Variants in HBS1L observed in about 807,000 individuals in gnomAD.
HBS1L encodes HBS1 like translational GTPase.
A neutral mutation model predicts 88.9 loss-of-function variants in HBS1L; 55 were observed. That is an observed-to-expected ratio of 0.62 (90% CI 0.50 to 0.77). The LOEUF is 0.77. Ranked by LOEUF, HBS1L falls within the 30% of genes least tolerant of loss-of-function variation. HBS1L has a pLI of 0.00. For synonymous variants in HBS1L, 267 were observed against 288.5 expected, an observed-to-expected ratio of 0.93 and a Z score of 0.76; for missense variants, 741 against 829.3, an observed-to-expected ratio of 0.89 and a Z score of 1.31.
intron 4 of HBS1L, among the ~76,000 whole-genome samples, chr6:135,018,707 G>A (rs373374669): frequency 1.3e-5 from 2 of 151,656 alleles, no homozygotes; most frequent in East Asian, 3.8e-4. Context: ...ACTAGAAATA[G>A]GACAGCCTAC....
In HBS1L at chr6:134,972,280, G is replaced by C. The variant is rs538344161; in HGVS notation, c.1798-2942C>G. On this transcript the variant is annotated intron_variant, in intron 15 of 17. Coordinates refer to ENST00000367837, the MANE Select transcript of HBS1L (RefSeq NM_006620.4). ...TTTTCCTTAATTTTCTAGATAACCT[G>C]TATTTTTAAAATGTTAACAAATACA... is the stretch of plus-strand genomic sequence containing the variant. Among the ~76,000 whole-genome samples the C allele has an allele frequency of 2.0e-5, 3 of 152,204 alleles. No homozygotes were observed. In the South Asian group the frequency reaches 6.2e-4, roughly 32 times the overall value.
At chr6:134,997,249 C>G in intron 6 of HBS1L, 148 bp downstream of exon 6, 1 of 887,712 alleles carries the variant, frequency 1.1e-6, no homozygotes, top group South Asian at 1.7e-5. Flanking sequence ...TATCTCTCCC[C>G]ACATGACTAG....
At chr6:134,979,300 G>GA (rs1385758669) in intron 13 of HBS1L, 32 bp from the exon 14 acceptor site, 1 of 1,468,588 alleles carries the variant, frequency 6.8e-7, no homozygotes, top group South Asian at 1.1e-5. Flanking sequence ...AGCATACAGT[G>GA]AAACACCTCG....
chr6:134,983,996 G>C (rs1310254919), intron 12 of HBS1L, among the ~76,000 whole-genome samples: 1 of 152,138 alleles, frequency 6.6e-6, no homozygotes, highest in African/African-American at 2.4e-5. Flanking sequence ...AGAATTGAAA[G>C]TGTATATTGA....
chr6:134,997,642 T>C lies in HBS1L; in HGVS notation c.554A>G (p.Glu185Gly), dbSNP rs143955783. 1 of 1,613,970 alleles carries C rather than the reference T, an allele frequency of 6.2e-7. No individual in the cohort carries two copies. The highest frequency in any genetic ancestry group is 8.5e-7 in the Non-Finnish European group (1 of 1,179,878). The change falls in exon 6 of 18, where the codon GAA becomes GGA. Residue 185 changes from glutamate (E) to glycine (G), a missense_variant. Transcript: ENST00000367837. ...AGGTGTGTGGAAACTATGACCATTT[T>C]CTTCAGAAGATACTCTACAGAAGGC... ...GFEVPGVSSE[E>G]NGHSFHTPQK...
At chr6:135,036,717 G>A (rs1025481512) in intron 4 of HBS1L, 26 of 1,551,092 alleles carry the variant, frequency 1.7e-5, no homozygotes, top group Non-Finnish European at 2.3e-5. Flanking sequence ...AGAGGTCAAG[G>A]GTGCGTCGCT....
At chr6:134,974,711 TC>T (rs1017241108) in intron 15 of HBS1L, among the ~76,000 whole-genome samples, 8 of 148,014 alleles carry the variant, frequency 5.4e-5, no homozygotes, top group Admixed American at 1.3e-4. Flanking sequence ...AAATCCAGGA[TC>T]CCTTAATGAT....
At chr6:135,006,559 AG>A (rs1030384749) in intron 4 of HBS1L, among the ~76,000 whole-genome samples, 3 of 152,118 alleles carry the variant, frequency 2.0e-5, no homozygotes, top group Non-Finnish European at 4.4e-5. Context: ...ATAGAAATCA[AG>A]GGGGGGAAAT....
chr6:134,997,471 C>T lies in HBS1L; in HGVS notation c.725G>A (p.Arg242Lys). Residue 242 changes from arginine to lysine, a missense_variant, in exon 6 of 18, where the codon AGG becomes AAG. Physicochemically the swap from Arg to Lys is conservative, Grantham distance 26. Coordinates refer to ENST00000367837, the MANE Select transcript of HBS1L (RefSeq NM_006620.4). ...TTCCGCCTTCACATCTATTTGCTGC[C>T]TCAGCTTGCCAGACTTTTTCACCGG... ...PAPVKKSGKL[R>K]QQIDVKAELE... is the part of the protein sequence containing the mutation. 2 of 1,614,078 alleles carry T rather than the reference C, an allele frequency of 1.2e-6. No homozygotes were observed. The highest frequency in any genetic ancestry group is 1.7e-6 in the Non-Finnish European group (2 of 1,179,996).
At chr6:134,972,796 C>T (rs866300323) in intron 15 of HBS1L, among the ~76,000 whole-genome samples, 3 of 152,190 alleles carry the variant, frequency 2.0e-5, no homozygotes, top group Middle Eastern at 3.4e-3. Context: ...ATACAAATGG[C>T]CAATAAGCAC....
chr6:134,996,641 C>T, intron 7 of HBS1L, 136 bp downstream of exon 7: 1 of 574,918 alleles, frequency 1.7e-6, no homozygotes, highest in Non-Finnish European at 2.8e-6. Context: ...CAAAATAGTT[C>T]CCTGATATCT....
In HBS1L at chr6:134,965,193, T is replaced by C. The variant is rs1464696690; in HGVS notation, c.*86A>G. 3 of 1,072,650 alleles carry C rather than the reference T, an allele frequency of 2.8e-6. No individual in the cohort carries two copies. The highest frequency in any genetic ancestry group is 3.1e-5 in the African/African-American group (2 of 64,184). 66.4% of individuals were successfully genotyped at this position (1,072,650 alleles called of 1,614,324 possible). A position where few individuals can be genotyped will look rare whatever the true frequency, so the allele number is the denominator to read the frequency against. Reference sequence around the variant, plus strand: ...CATCTAAAAACATATCAATTGCACATTGTTCCTTTGACTTAATAACTGCAT... The same window carrying C: ...CATCTAAAAACATATCAATTGCACACTGTTCCTTTGACTTAATAACTGCAT... On this transcript the variant is annotated 3_prime_UTR_variant, in exon 18 of 18. Coordinates refer to ENST00000367837, the MANE Select transcript of HBS1L (RefSeq NM_006620.4).
At chr6:135,003,238 A>C (rs1015298141) in intron 4 of HBS1L, among the ~76,000 whole-genome samples, 19 of 152,208 alleles carry the variant, frequency 1.2e-4, no homozygotes, top group African/African-American at 4.1e-4. Flanking sequence ...GCAGATGGCT[A>C]AACTATTTTT....
chr6:135,051,517 T>A (rs1777082618), intron 1 of HBS1L, among the ~76,000 whole-genome samples: 2 of 152,316 alleles, frequency 1.3e-5, no homozygotes, highest in South Asian at 2.1e-4. Flanking sequence ...CCGAGGCCAT[T>A]TCTTTCTGCT....
In HBS1L at chr6:135,044,309, T is replaced by C. The variant is rs1214610248; in HGVS notation, c.110-2183A>G. ...GAGTGGTTTGTCCTGATCTTATTTT[T>C]TCCCATAAGTTGTTAATTTTAGTAT... is the stretch of plus-strand genomic sequence containing the variant. On this transcript the variant is annotated intron_variant, in intron 2 of 17. Transcript: ENST00000367837. Among the ~76,000 whole-genome samples the C allele has an allele frequency of 2.0e-5, 3 of 152,210 alleles. No individual in the cohort carries two copies. The East Asian group carries it at 5.8e-4, about 29-fold the overall frequency.
At position 135,054,641 on chromosome 6, in the gene HBS1L, C is replaced by A; in HGVS notation, c.43+8G>T. On this transcript the variant is annotated splice_region_variant and intron_variant, in intron 1 of 17. Transcript: ENST00000367837. ...AAAAGAACGTCCCGGCATGACCCTG[C>A]CACCTACCTTCATCGTAGTTATAGC... The A allele has an allele frequency of 6.2e-7, 1 of 1,614,210 alleles. No individual in the cohort carries two copies. Among genetic ancestry groups the A allele is most frequent in the Non-Finnish European group, 8.5e-7 (1 of 1,180,018 alleles).
At position 135,012,317 on chromosome 6, in the gene HBS1L, T is replaced by C. The variant is rs1412733885; in HGVS notation, c.431-9475A>G. On this transcript the variant is annotated intron_variant, in intron 4 of 17. Coordinates refer to ENST00000367837, the MANE Select transcript of HBS1L (RefSeq NM_006620.4). ...AATATAGCAATGGTCCTATATCATATCACTATGCAACCGGCATTAAAAAGT... is the reference window on the plus strand; with the variant it reads ...AATATAGCAATGGTCCTATATCATACCACTATGCAACCGGCATTAAAAAGT... Among the ~76,000 whole-genome samples the C allele has an allele frequency of 2.0e-5, 3 of 152,178 alleles. No individual in the cohort carries two copies. In the East Asian group the frequency reaches 5.8e-4, roughly 29 times the overall value.
At chr6:134,999,186 C>G (rs1044149085) in intron 5 of HBS1L, among the ~76,000 whole-genome samples, 1 of 152,110 alleles carries the variant, frequency 6.6e-6, no homozygotes, top group Non-Finnish European at 1.5e-5. Context: ...AGCTGCAAAA[C>G]ATTTTCTTCA....
chr6:135,032,545 T>C (rs1396778674), intron 4 of HBS1L, among the ~76,000 whole-genome samples: 1 of 152,108 alleles, frequency 6.6e-6, no homozygotes, highest in African/African-American at 2.4e-5. Context: ...TATAACCAAA[T>C]ATATACCTGC....
Sources: gnomAD v4.1 joint callset for allele counts (sites outside exome capture counted in the v4.1 genomes callset) on GRCh38, gnomAD v4.1.1 for gene constraint, MANE v1.5 for transcripts, NCBI Gene and HGNC (gene_info 2026-07-23, HGNC 2026-07-21) for gene names.